The following UGP2 variants were observed in gnomAD, a reference collection of about 807,000 sequenced individuals.
The protein encoded by UGP2 is UDP-glucose pyrophosphorylase 2.
In UGP2, 40 loss-of-function variants were observed where a neutral mutation model predicts 49.0. The ratio of observed to expected loss-of-function variants is 0.82; its 90% CI spans 0.63 to 1.06. The LOEUF (loss-of-function observed/expected upper bound fraction) is 1.06. UGP2 is among the 50% of genes least tolerant of loss of function. The pLI, the probability that UGP2 is intolerant of heterozygous loss-of-function variation, is 0.00. For synonymous variants in UGP2, 225 were observed against 213.0 expected (o/e 1.06, Z -0.49); for missense variants, 460 against 603.5 (o/e 0.76, Z 2.49).
intron 1 of UGP2, among the ~76,000 whole-genome samples, chr2:63,844,062 C>T (rs1343253815): frequency 6.6e-6 from 1 of 152,140 alleles, no homozygotes; most frequent in Non-Finnish European, 1.5e-5. Context: ...CTATAGTTGT[C>T]ATACATTTTT....
chr2:63,885,692 T>TA lies in UGP2; in HGVS notation c.680dup (p.Tyr227Ter). 1.9e-6 allele frequency: 3 copies of TA among 1,614,026 alleles called. No homozygotes were observed. Among genetic ancestry groups the TA allele is most frequent in the Non-Finnish European group, 1.7e-6 (2 of 1,179,950 alleles). ...AWYPPGHGDI[Y>*]ASFYNSGLLD... ...GTACCCTCCAGGTCATGGTGATATT[T>TA]ACGCCAGTTTCTACAACTCTGGATT... Residue 227 changes from tyrosine (Y) to a stop codon, truncating the protein, a stop_gained and frameshift_variant, in exon 6 of 10, where the codon TAC (tyrosine) becomes TAAC (stop). Coordinates refer to ENST00000337130, the MANE Select transcript of UGP2 (RefSeq NM_006759.4). LOFTEE classifies it high-confidence loss of function.
chr2:63,855,444 T>C, intron 1 of UGP2: 1 of 475,626 alleles, frequency 2.1e-6, no homozygotes, highest in Non-Finnish European at 4.2e-6. Context: ...GATGATTACT[T>C]TCTAGATAAA....
chr2:63,848,933 T>C (rs1354980846), intron 1 of UGP2, among the ~76,000 whole-genome samples: 2 of 152,240 alleles, frequency 1.3e-5, no homozygotes, highest in Non-Finnish European at 2.9e-5. Flanking sequence ...GTTGTTTATT[T>C]TTCTCAGTCA....
rs1359167075 is a variant in UGP2, at chr2:63,886,544, C to T, written c.1071+6C>T. 1.9e-6 allele frequency: 3 copies of T among 1,613,780 alleles called. No homozygotes were observed. Among genetic ancestry groups the T allele is most frequent in the Non-Finnish European group, 2.5e-6 (3 of 1,179,968 alleles). On this transcript the variant is annotated splice_donor_region_variant and intron_variant, in intron 7 of 9. Coordinates refer to ENST00000337130, the MANE Select transcript of UGP2 (RefSeq NM_006759.4). ...AAATCATTGTGAATGCAAAGGTAAG[C>T]CAAGGTTGTGGCCCATTGAGCTTCC...
intron 3 of UGP2, among the ~76,000 whole-genome samples, chr2:63,882,114 CTTGA>C (rs1258255352): frequency 6.6e-6 from 1 of 152,178 alleles, no homozygotes; most frequent in Non-Finnish European, 1.5e-5. Context: ...AAATAAATGA[CTTGA>C]TCATTTGCTA....
chr2:63,848,873 G>T (rs1668847749), intron 1 of UGP2, among the ~76,000 whole-genome samples: 1 of 152,110 alleles, frequency 6.6e-6, no homozygotes, highest in Non-Finnish European at 1.5e-5. Flanking sequence ...CCTTTAATTT[G>T]TTGCACAGTA....
intron 3 of UGP2, among the ~76,000 whole-genome samples, chr2:63,865,527 G>A (rs1417592595): frequency 1.4e-5 from 2 of 140,628 alleles, no homozygotes; most frequent in South Asian, 4.6e-4. Context: ...AGAATGCTTG[G>A]GTCTATTTTT....
chr2:63,886,571 G>C (rs551695825), intron 7 of UGP2, 33 bp downstream of exon 7: 4 of 1,610,706 alleles, frequency 2.5e-6, no homozygotes, highest in East Asian at 4.5e-5. Flanking sequence ...TGAGCTTCCT[G>C]GTTCCTAAGG....
intron 1 of UGP2, among the ~76,000 whole-genome samples, chr2:63,852,232 A>G (rs530924644): frequency 9.1e-4 from 138 of 152,334 alleles, no homozygotes; most frequent in Admixed American, 1.7e-3. Context: ...TAAATGGAGT[A>G]TAATCTACCA....
chr2:63,885,312 G>A (rs1671602016), intron 5 of UGP2, among the ~76,000 whole-genome samples: 1 of 152,054 alleles, frequency 6.6e-6, no homozygotes, highest in South Asian at 2.1e-4. Context: ...CTTTTGGAGA[G>A]TCATAAAACA....
chr2:63,862,762 A>G (rs958587628), intron 3 of UGP2: 4 of 453,992 alleles, frequency 8.8e-6, no homozygotes, highest in South Asian at 3.1e-5. Context: ...AGTCCCTCCA[A>G]TTCCAATTTC....
chr2:63,888,022 A>C (rs1671807748), intron 8 of UGP2: 1 of 169,252 alleles, frequency 5.9e-6, no homozygotes, highest in African/African-American at 2.4e-5. Flanking sequence ...AACAGACTAA[A>C]TCTTTGTCTT....
At chr2:63,855,900 CTTTAGTGAG>C (rs1669381595) in intron 1 of UGP2, 1 of 227,708 alleles carries the variant, frequency 4.4e-6, no homozygotes, top group South Asian at 4.7e-5. Flanking sequence ...TTTCCGTCAC[CTTTAGTGAG>C]ATCCATCTGT....
chr2:63,879,366 T>G lies in UGP2; in HGVS notation c.256-3100T>G, dbSNP rs146659503. 1.8e-4 allele frequency among the ~76,000 whole-genome samples: 28 copies of G among 152,352 alleles called. No homozygotes were observed. In the East Asian group the frequency reaches 5.4e-3, roughly 29 times the overall value. ...AGCTTTCAGAATTATTGTAGCATTT[T>G]TACTTTTATAATAAGCATTTATACT... On this transcript the variant is annotated intron_variant, in intron 3 of 9. Coordinates refer to ENST00000337130, the MANE Select transcript of UGP2 (RefSeq NM_006759.4).
rs549716164 is a variant in UGP2 at position 63,842,112 on chromosome 2, G to T, written c.-74G>T. 8.0e-5 allele frequency: 122 copies of T among 1,527,558 alleles called. No homozygotes were observed. The highest frequency in any genetic ancestry group is 7.5e-4 in the Middle Eastern group (4 of 5,356). 94.6% of individuals were successfully genotyped at this position (1,527,558 alleles called of 1,614,324 possible). Reference sequence around the variant, plus strand: ...ATCGGTTGTTAAAGCAGGAGAGGAAGAGAGACCTGCCCTGTAGCGTGACTC... The same window carrying T: ...ATCGGTTGTTAAAGCAGGAGAGGAATAGAGACCTGCCCTGTAGCGTGACTC... On this transcript the variant is annotated 5_prime_UTR_variant, in exon 1 of 10. Transcript: ENST00000337130.
chr2:63,865,615 T>C (rs1670132323), intron 3 of UGP2, among the ~76,000 whole-genome samples: 1 of 151,686 alleles, frequency 6.6e-6, no homozygotes, highest in African/African-American at 2.4e-5. Context: ...CATAGCTCAT[T>C]GTTACCTTGA....
At chr2:63,858,850 A>T (rs571418810) in intron 3 of UGP2, among the ~76,000 whole-genome samples, 1 of 152,130 alleles carries the variant, frequency 6.6e-6, no homozygotes, top group Non-Finnish European at 1.5e-5. Flanking sequence ...GCCTAAAATT[A>T]TAATAAATTT....
chr2:63,872,167 A>G (rs757812316), intron 3 of UGP2, among the ~76,000 whole-genome samples: 1 of 152,248 alleles, frequency 6.6e-6, no homozygotes, highest in Non-Finnish European at 1.5e-5. Context: ...GCTGAAGCCC[A>G]TGTCTGGGAG....
At chr2:63,872,711 A>G (rs1670638827) in intron 3 of UGP2, among the ~76,000 whole-genome samples, 2 of 151,996 alleles carry the variant, frequency 1.3e-5, no homozygotes, top group African/African-American at 2.4e-5. Flanking sequence ...GGAAACAGCA[A>G]CTACATAATT....
Sources: allele counts gnomAD v4.1 joint callset (sites outside exome capture counted in the v4.1 genomes callset), GRCh38; gene constraint gnomAD v4.1.1; transcripts MANE v1.5; gene names NCBI Gene and HGNC (gene_info 2026-07-23, HGNC 2026-07-21).